CYB5RL: variants seen among roughly 807,000 people sequenced by gnomAD.
The protein encoded by CYB5RL is cytochrome b5 reductase like, also known as NADH-cytochrome b5 reductase-like.
In CYB5RL, 38 loss-of-function variants were observed where a neutral mutation model predicts 37.5. The observed-to-expected ratio is 1.01, with a 90% CI of 0.78 to 1.33. The LOEUF is 1.33. Ranked by LOEUF, CYB5RL falls within the 40% of genes most tolerant of loss-of-function variation. The pLI, the probability that CYB5RL is intolerant of heterozygous loss-of-function variation, is 0.00. For synonymous variants in CYB5RL, 141 were observed against 151.9 expected (o/e 0.93, Z 0.53); for missense variants, 388 against 394.4 (o/e 0.98, Z 0.14).
rs1659968965 is a variant in CYB5RL, at chr1:54,174,485, A to G, written c.*134T>C. 6 of 991,208 alleles carry G rather than the reference A, an allele frequency of 6.1e-6. No homozygotes were observed. The highest frequency in any genetic ancestry group is 9.1e-6 in the Non-Finnish European group (6 of 655,982). The allele number at this position is 991,208 out of a possible 1,614,324, so 61.4% of individuals were successfully genotyped here. ...GAAGTAGAGGTTCTGAGCAGTAAAG[A>G]CACTTGCCCAAGGTCACCTGGCAAA... is the stretch of plus-strand genomic sequence containing the variant. On this transcript the variant is annotated 3_prime_UTR_variant, in exon 8 of 8. Coordinates refer to ENST00000534324, the MANE Select transcript of CYB5RL (RefSeq NM_001031672.4).
At position 54,199,974 on chromosome 1, in the gene CYB5RL, A is replaced by C; in HGVS notation, c.-223+2T>G. 1 of 496,742 alleles carries C rather than the reference A, an allele frequency of 2.0e-6. No homozygotes were observed. Among genetic ancestry groups the C allele is most frequent in the Non-Finnish European group, 3.6e-6 (1 of 281,254 alleles). 30.8% of individuals were successfully genotyped at this position (496,742 alleles called of 1,614,324 possible). On this transcript the variant is annotated splice_donor_variant, in intron 1 of 7. Coordinates refer to ENST00000534324, the MANE Select transcript of CYB5RL (RefSeq NM_001031672.4). LOFTEE classifies it low-confidence loss of function (5UTR_SPLICE). ...GATTCTCCACCCACCACGACCACTC[A>C]CCTACTCGCCTGCGCTTCACCTCAC...
chr1:54,191,768 C>T (rs572125027), intron 3 of CYB5RL, among the ~76,000 whole-genome samples: 2 of 152,314 alleles, frequency 1.3e-5, no homozygotes, highest in East Asian at 3.9e-4. Flanking sequence ...TCCACTGTGC[C>T]CCTTCCCACA....
chr1:54,195,586 T>G lies in CYB5RL; in HGVS notation c.31A>C (p.Thr11Pro), dbSNP rs757934144. Residue 11 changes from threonine to proline, a missense_variant, in exon 3 of 8, where the codon ACT becomes CCT. Physicochemically the swap from Thr to Pro is conservative, Grantham distance 38. Transcript: ENST00000534324. Reference protein sequence around the residue: MMAEREEDDDTEEAWMQLRPT... With the variant: MMAEREEDDDPEEAWMQLRPT... ...CGTAGCTGCATCCAGGCTTCCTCAG[T>G]GTCGTCGTCCTCTTCCCTCTCAGCC... 4.3e-6 allele frequency: 7 copies of G among 1,612,640 alleles called. No homozygotes were observed. Among genetic ancestry groups the G allele is most frequent in the Non-Finnish European group, 5.9e-6 (7 of 1,179,086 alleles).
intron 3 of CYB5RL, 97 bp from the exon 4 acceptor site, chr1:54,190,993 T>C: frequency 1.4e-6 from 2 of 1,473,276 alleles, no homozygotes; most frequent in South Asian, 2.8e-5. Context: ...AGAGGCTGTC[T>C]TGGCTCGGGA....
At chr1:54,197,317 C>CTTTTTTTTTTTT (rs766084507) in intron 1 of CYB5RL, among the ~76,000 whole-genome samples, 1 of 124,084 alleles carries the variant, frequency 8.1e-6, no homozygotes, top group African/African-American at 3.2e-5. Flanking sequence ...CTTTTCTTTT[C>CTTTTTTTTTTTT]TTTTTTTTTT....
Position 54,190,848 on chromosome 1 carries a change from T to C in CYB5RL, c.247A>G (p.Ile83Val). The stretch of plus-strand genomic sequence containing the variant: ...TCCTTAGTGAGCCTGTCCATGGCAA[T>C]GATGCAGAAGGCCACGAAGGTCTCT... ...NPETFVAFCI[I>V]AMDRLTKDTY... The change falls in exon 4 of 8, where the codon ATT (isoleucine) becomes GTT (valine). Residue 83 changes from isoleucine to valine, a missense_variant. Transcript: ENST00000534324. The C allele has an allele frequency of 5.0e-6, 8 of 1,609,232 alleles. No individual in the cohort carries two copies. Among genetic ancestry groups the C allele is most frequent in the Non-Finnish European group, 6.8e-6 (8 of 1,177,982 alleles).
Position 54,195,553 on chromosome 1 carries a change from C to G in CYB5RL, c.64G>C (p.Glu22Gln). 1 of 1,613,792 alleles carries G rather than the reference C, an allele frequency of 6.2e-7. No homozygotes were observed. The highest frequency in any genetic ancestry group is 2.2e-5 in the East Asian group (1 of 44,882). ...EEAWMQLRPTEPLPSQCCGSG... is the reference protein window; with the variant it reads ...EEAWMQLRPTQPLPSQCCGSG... Reference sequence around the variant, plus strand: ...CCGCAGCACTGGGAAGGCAAGGGTTCTGTGGGCCGTAGCTGCATCCAGGCT... The same window carrying G: ...CCGCAGCACTGGGAAGGCAAGGGTTGTGTGGGCCGTAGCTGCATCCAGGCT... Residue 22 changes from glutamate to glutamine, a missense_variant, in exon 3 of 8, where the codon GAA (glutamate) becomes CAA (glutamine). Physicochemically the swap from Glu to Gln is conservative, Grantham distance 29 (BLOSUM62 2). Transcript: ENST00000534324.
chr1:54,197,012 C>A (rs1250114066), intron 1 of CYB5RL, among the ~76,000 whole-genome samples: 1 of 152,096 alleles, frequency 6.6e-6, no homozygotes, highest in Non-Finnish European at 1.5e-5. Context: ...TCCAACCCCT[C>A]GGATCTGGCT....
chr1:54,177,726 T>C (rs1660054759), intron 7 of CYB5RL, among the ~76,000 whole-genome samples: 2 of 152,266 alleles, frequency 1.3e-5, no homozygotes, highest in South Asian at 4.2e-4. Context: ...TTAAATAAAG[T>C]GCTTAGAATG....
At chr1:54,197,902 C>T (rs1570127691) in intron 1 of CYB5RL, among the ~76,000 whole-genome samples, 1 of 151,690 alleles carries the variant, frequency 6.6e-6, no homozygotes, top group African/African-American at 2.4e-5. Context: ...GTGGTGGGCA[C>T]CCGTAGTCCC....
intron 3 of CYB5RL, among the ~76,000 whole-genome samples, chr1:54,192,096 T>C (rs1428927203): frequency 2.0e-5 from 3 of 152,186 alleles, no homozygotes; most frequent in African/African-American, 7.2e-5. Flanking sequence ...CCTATTATTA[T>C]TGCTTCATTA....
At position 54,187,641 on chromosome 1, in the gene CYB5RL, G is replaced by A; in HGVS notation, c.435+11C>T. On this transcript the variant is annotated intron_variant, in intron 5 of 7. Transcript: ENST00000534324. ...CACGGCATCTTGGAGCATCCTCAAG[G>A]GTCAACTCACCTTAATTAACACTTC... 6.2e-7 allele frequency: 1 copy of A among 1,613,262 alleles called. No individual in the cohort carries two copies. Among genetic ancestry groups the A allele is most frequent in the Non-Finnish European group, 8.5e-7 (1 of 1,179,336 alleles).
intron 6 of CYB5RL, among the ~76,000 whole-genome samples, chr1:54,183,550 T>C (rs1240922357): frequency 6.6e-6 from 1 of 152,196 alleles, no homozygotes; most frequent in African/African-American, 2.4e-5. Context: ...CATGTGACTG[T>C]ACTGTGAAAT....
intron 4 of CYB5RL, 82 bp downstream of exon 4, chr1:54,190,666 T>C (rs2100477813): frequency 6.6e-7 from 1 of 1,520,024 alleles, no homozygotes; most frequent in South Asian, 1.2e-5. Flanking sequence ...TAAGGGAGAG[T>C]ACGCTAGTTG....
intron 4 of CYB5RL, among the ~76,000 whole-genome samples, chr1:54,189,073 C>A (rs1217871149): frequency 6.6e-6 from 1 of 152,136 alleles, no homozygotes; most frequent in African/African-American, 2.4e-5. Flanking sequence ...GTCCCAGTTA[C>A]TTGGGAGACT....
In CYB5RL at chr1:54,187,700, C is replaced by A. The variant is rs544727442; in HGVS notation, c.387G>T (p.Thr129=). The A allele has an allele frequency of 2.5e-6, 4 of 1,613,872 alleles. No individual in the cohort carries two copies. The highest frequency in any genetic ancestry group is 3.4e-6 in the Non-Finnish European group (4 of 1,179,894). ...CTTCTGCGTTGGCAGGGCTGATGGG[C>A]GTATAGGCTCTCTGAATTTCTAAGT... ...VDDLEIQRAY[T]PISPANAEGY... Residue 129 remains threonine (T), a synonymous_variant, in exon 5 of 8, where the codon ACG becomes ACT. Coordinates refer to ENST00000534324, the MANE Select transcript of CYB5RL (RefSeq NM_001031672.4).
intron 5 of CYB5RL, chr1:54,185,203 G>T (rs1247093047): frequency 1.3e-5 from 2 of 152,258 alleles, no homozygotes; most frequent in East Asian, 3.8e-4. Flanking sequence ...TAATACCCAT[G>T]AGAAGAATAA....
At chr1:54,199,071 C>T (rs1189477557) in intron 1 of CYB5RL, among the ~76,000 whole-genome samples, 1 of 152,168 alleles carries the variant, frequency 6.6e-6, no homozygotes, top group African/African-American at 2.4e-5. Flanking sequence ...AGAGGCACCA[C>T]CTTTAATCCA....
Position 54,170,997 on chromosome 1 carries a change from C to T in CYB5RL, c.*3622G>A. On this transcript the variant is annotated 3_prime_UTR_variant, in exon 8 of 8. Coordinates refer to ENST00000534324, the MANE Select transcript of CYB5RL (RefSeq NM_001031672.4). Reference sequence around the variant, plus strand: ...CGACATCCAGGAAGTGCTGAGCATCCTCCCCTGTTAGGGGTACAATGGGCC... The same window carrying T: ...CGACATCCAGGAAGTGCTGAGCATCTTCCCCTGTTAGGGGTACAATGGGCC... 5.3e-6 allele frequency: 2 copies of T among 379,564 alleles called. No homozygotes were observed. Among genetic ancestry groups the T allele is most frequent in the South Asian group, 3.8e-5 (2 of 52,622 alleles). The allele number at this position is 379,564 out of a possible 1,614,324, so 23.5% of individuals were successfully genotyped here.
Sources: allele counts gnomAD v4.1 joint callset (sites outside exome capture counted in the v4.1 genomes callset), GRCh38; gene constraint gnomAD v4.1.1; transcripts MANE v1.5; gene names NCBI Gene and HGNC (gene_info 2026-07-23, HGNC 2026-07-21).